ARHGEF10L: variants seen among roughly 807,000 people sequenced by gnomAD.
The protein encoded by ARHGEF10L is Rho guanine nucleotide exchange factor 10 like.
In ARHGEF10L, 69 loss-of-function variants were observed where a neutral mutation model predicts 141.2. The observed-to-expected ratio is 0.49, with a 90% confidence interval of 0.40 to 0.60. The LOEUF is 0.60. ARHGEF10L is among the 20% of genes least tolerant of loss of function. The pLI is 0.00. For synonymous variants in ARHGEF10L, 711 were observed against 718.5 expected (o/e 0.99, Z 0.17); for missense variants, 1,482 against 1,734.3 (o/e 0.85, Z 2.58).
intron 18 of ARHGEF10L, among the ~76,000 whole-genome samples, chr1:17,636,357 T>C (rs1188064121): frequency 6.6e-6 from 1 of 152,164 alleles, no homozygotes; most frequent in Non-Finnish European, 1.5e-5. Context: ...TGTAATCAAC[T>C]CCTTCTGCTT....
chr1:17,582,703 A>G (rs975104271), intron 2 of ARHGEF10L, among the ~76,000 whole-genome samples: 4 of 152,158 alleles, frequency 2.6e-5, no homozygotes, highest in African/African-American at 7.2e-5. Flanking sequence ...CTGAAGCCCC[A>G]GAGAGCCCCA....
Position 17,632,337 on chromosome 1 carries a change from A to G in ARHGEF10L, c.1601A>G (p.Gln534Arg). ...CTCCTCCAGCTGTTGACCTCAGGCC[A>G]GCGGCAGCTGCTCCTGTGTGAGACG... The part of the protein sequence containing the change: ...SSLNKLLTSG[Q>R]RQLLLCETLT... The change falls in exon 16 of 29, where the codon CAG becomes CGG. Residue 534 changes from glutamine to arginine, a missense_variant. By Grantham distance (43) the Gln-to-Arg change is conservative. Transcript: ENST00000361221. 1 of 1,614,098 alleles carries G rather than the reference A, an allele frequency of 6.2e-7. No individual in the cohort carries two copies. Among genetic ancestry groups the G allele is most frequent in the South Asian group, 1.1e-5 (1 of 91,076 alleles).
chr1:17,565,799 A>C (rs2077729817), intron 1 of ARHGEF10L, among the ~76,000 whole-genome samples: 1 of 152,202 alleles, frequency 6.6e-6, no homozygotes, highest in Admixed American at 6.5e-5. Flanking sequence ...CACTGAGGAC[A>C]TGGAGAGGCA....
upstream of ARHGEF10L, among the ~76,000 whole-genome samples, chr1:17,537,394 T>C (rs1178952708): frequency 6.6e-6 from 1 of 152,150 alleles, no homozygotes; most frequent in African/African-American, 2.4e-5. Flanking sequence ...CTCTAAAGAG[T>C]GTGCCCCTAA....
At chr1:17,537,478 C>T (rs959654611), upstream of ARHGEF10L, among the ~76,000 whole-genome samples, 1 of 152,188 alleles carries the variant, frequency 6.6e-6, no homozygotes, top group Non-Finnish European at 1.5e-5. Context: ...TCATAGCTGC[C>T]CTCAAGCTAG....
At chr1:17,539,420 G>C (rs1243336286), upstream of ARHGEF10L, among the ~76,000 whole-genome samples, 2 of 152,200 alleles carry the variant, frequency 1.3e-5, no homozygotes, top group Non-Finnish European at 2.9e-5. The surrounding 1 kb of genome is among the most constrained non-coding windows in gnomAD (Gnocchi z 6.0). Context: ...ACCGGGAGGC[G>C]GGAAGTGGGG....
At chr1:17,635,997 C>T (rs913168113) in intron 18 of ARHGEF10L, among the ~76,000 whole-genome samples, 4 of 152,156 alleles carry the variant, frequency 2.6e-5, no homozygotes, top group Non-Finnish European at 4.4e-5. Context: ...GGTGCTGGTC[C>T]GTGACAGCTG....
intron 1 of ARHGEF10L, among the ~76,000 whole-genome samples, chr1:17,547,761 G>A (rs899844822): frequency 6.6e-6 from 1 of 152,150 alleles, no homozygotes; most frequent in Non-Finnish European, 1.5e-5. Flanking sequence ...AAAACACAGA[G>A]AAAATACAGA....
rs2061179999 is a variant in ARHGEF10L, at chr1:17,639,043, C to T, written c.2171+354C>T. On this transcript the variant is annotated intron_variant, in intron 20 of 28. Coordinates refer to ENST00000361221, the MANE Select transcript of ARHGEF10L (RefSeq NM_018125.4). The surrounding 1 kb of genome is among the most constrained non-coding windows in gnomAD (Gnocchi z 4.3). ...CCAGGCCAGGCCCTGGGTTTCCTCT[C>T]TCTGGACCCAGCCTCCCCCCAGCAC... Among the ~76,000 whole-genome samples, 1 of 152,098 alleles carries T rather than the reference C, an allele frequency of 6.6e-6. No homozygotes were observed. Among genetic ancestry groups the T allele is most frequent in the African/African-American group, 2.4e-5 (1 of 41,406 alleles).
intron 16 of ARHGEF10L, among the ~76,000 whole-genome samples, chr1:17,632,892 C>G (rs2060782673): frequency 6.6e-6 from 1 of 152,246 alleles, no homozygotes; most frequent in Non-Finnish European, 1.5e-5. Context: ...ACCGGAGCAT[C>G]ATCATCGGCC....
At position 17,587,473 on chromosome 1, in the gene ARHGEF10L, T is replaced by C. The variant is rs146576307; in HGVS notation, c.51T>C (p.Val17=). Reference sequence around the variant, plus strand: ...TCTCTCTTCCAGGAGATCAGCTGGTTCCAGGAGTCCCAGGCCCCTCCTCTG... The same window carrying C: ...TCTCTCTTCCAGGAGATCAGCTGGTCCCAGGAGTCCCAGGCCCCTCCTCTG... ...PPQPAIGDQL[V]PGVPGPSSEA... Residue 17 remains valine (V), a synonymous_variant, in exon 3 of 29, where the codon GTT becomes GTC. Coordinates refer to ENST00000361221, the MANE Select transcript of ARHGEF10L (RefSeq NM_018125.4). The C allele has an allele frequency of 6.2e-7, 1 of 1,613,310 alleles. No individual in the cohort carries two copies. Among genetic ancestry groups the C allele is most frequent in the Non-Finnish European group, 8.5e-7 (1 of 1,179,654 alleles).
chr1:17,691,725 A>G lies in ARHGEF10L; in HGVS notation c.3185-3433A>G, dbSNP rs146656238. 5.7e-4 allele frequency among the ~76,000 whole-genome samples: 86 copies of G among 151,868 alleles called. 1 individual carries two copies. The East Asian group carries it at 0.014, about 26-fold the overall frequency. Reference sequence around the variant, plus strand: ...TATATGTATATATATATGTGTGTATATATTTAATATTTCTAATAATTATAA... The same window carrying G: ...TATATGTATATATATATGTGTGTATGTATTTAATATTTCTAATAATTATAA... On this transcript the variant is annotated intron_variant, in intron 27 of 28. Coordinates refer to ENST00000361221, the MANE Select transcript of ARHGEF10L (RefSeq NM_018125.4).
intron 22 of ARHGEF10L, 23 bp downstream of exon 22, chr1:17,648,698 A>G: frequency 6.2e-7 from 1 of 1,606,140 alleles, no homozygotes; most frequent in Admixed American, 1.7e-5. Flanking sequence ...GATCTTGCTG[A>G]GCCGACCTCG....
chr1:17,638,661 A>G lies in ARHGEF10L; in HGVS notation c.2143A>G (p.Arg715Gly), dbSNP rs967935452. Residue 715 changes from arginine to glycine, a missense_variant, in exon 20 of 29, where the codon AGG (arginine) becomes GGG (glycine). Arg to Gly is a moderately radical substitution (Grantham distance 125, BLOSUM62 -2). This residue lies in a region of ARHGEF10L where 858 missense variants were observed against 966.3 expected (regional missense o/e 0.89). Transcript: ENST00000361221. ...EIHSANKCRL[R>G]LLLPGKPDKS... ...CCACTCGGCCAACAAGTGCCGTCTC[A>G]GGCTCCTGCTTCCTGGGAAACCCGA... The G allele has an allele frequency of 1.9e-6, 3 of 1,613,978 alleles. No homozygotes were observed. Among genetic ancestry groups the G allele is most frequent in the South Asian group, 1.1e-5 (1 of 91,084 alleles).
At chr1:17,544,389 C>T (rs915431367) in intron 1 of ARHGEF10L, among the ~76,000 whole-genome samples, 3 of 151,718 alleles carry the variant, frequency 2.0e-5, no homozygotes, top group African/African-American at 4.8e-5. Flanking sequence ...CTCCCACGCA[C>T]GTTCAAGCGA....
chr1:17,596,157 G>A lies in ARHGEF10L; in HGVS notation c.258-5970G>A, dbSNP rs982250957. Among the ~76,000 whole-genome samples the A allele has an allele frequency of 3.3e-5, 5 of 152,308 alleles. No homozygotes were observed. The East Asian group carries it at 7.7e-4, about 24-fold the overall frequency. ...GAGTCTCTGGGGCGGGGGCCCTGGC[G>A]CCCACATCTTCTAGGGGCGCCCTGC... On this transcript the variant is annotated intron_variant, in intron 4 of 28. Transcript: ENST00000361221.
Position 17,648,701 on chromosome 1 carries a change from C to T in ARHGEF10L, c.2394+26C>T, listed in dbSNP as rs151251405. The T allele has an allele frequency of 1.3e-4, 212 of 1,604,620 alleles. No individual in the cohort carries two copies. The African/African-American group carries it at 2.1e-3, about 16-fold the overall frequency. On this transcript the variant is annotated intron_variant, in intron 22 of 28. Coordinates refer to ENST00000361221, the MANE Select transcript of ARHGEF10L (RefSeq NM_018125.4). ...GTGAGTGGAGCGGATCTTGCTGAGC[C>T]GACCTCGAAGGTGGCTGCGGCTCCC...
At chr1:17,586,249 G>A (rs570231042) in intron 2 of ARHGEF10L, among the ~76,000 whole-genome samples, 1 of 152,330 alleles carries the variant, frequency 6.6e-6, no homozygotes, top group East Asian at 1.9e-4. Context: ...TTATTCTCCA[G>A]TTTGCAGAGG....
chr1:17,683,692 C>T (rs1354240023), intron 26 of ARHGEF10L, among the ~76,000 whole-genome samples: 1 of 152,236 alleles, frequency 6.6e-6, no homozygotes, highest in African/African-American at 2.4e-5. Context: ...CTTTCCCCCG[C>T]CGGCCTCCCC....
Sources: allele counts gnomAD v4.1 joint callset (sites outside exome capture counted in the v4.1 genomes callset), GRCh38; gene constraint gnomAD v4.1.1; regional missense constraint gnomAD v4.1.1; non-coding constraint Gnocchi (gnomAD v3.1); transcripts MANE v1.5; gene names NCBI Gene and HGNC (gene_info 2026-07-23, HGNC 2026-07-21).